The following DSC2 variants were observed in gnomAD, a reference collection of about 807,000 sequenced individuals.
DSC2 encodes desmocollin-2.
In DSC2, 51 loss-of-function variants were observed where a neutral mutation model predicts 87.6. The ratio of observed to expected loss-of-function variants is 0.58; its 90% CI spans 0.46 to 0.74. The LOEUF (loss-of-function observed/expected upper bound fraction) is 0.74. DSC2 is among the 30% of genes least tolerant of loss of function. The pLI, the probability that DSC2 is intolerant of heterozygous loss-of-function variation, is 0.00. For missense variants in DSC2, 1,066 were observed against 1,089.5 expected (o/e 0.98, Z 0.30); for synonymous variants, 383 against 393.2 (o/e 0.97, Z 0.31).
rs1255406484 is a variant in DSC2, at chr18:31,062,375, A to T, written c.*5640T>A. The T allele has an allele frequency of 6.9e-6, 1 of 144,572 alleles. No individual in the cohort carries two copies. Among genetic ancestry groups the T allele is most frequent in the Non-Finnish European group, 1.5e-5 (1 of 66,598 alleles). The allele number at this position is 144,572 out of a possible 1,614,324, so 9.0% of individuals were successfully genotyped here. A position where few individuals can be genotyped will look rare whatever the true frequency, so the allele number is the denominator to read the frequency against. On this transcript the variant is annotated 3_prime_UTR_variant, in exon 16 of 16. Coordinates refer to ENST00000280904, the MANE Select transcript of DSC2 (RefSeq NM_024422.6). ...AAGTGGTTTTTAGTTGCTTTTCCTC[A>T]GGTGGTTAGAGAGTGGCCTTTTGGT...
rs397514042 is a variant in DSC2, at chr18:31,087,815, T to C, written c.631-2A>G. On this transcript the variant is annotated splice_acceptor_variant, in intron 5 of 15. Coordinates refer to ENST00000280904, the MANE Select transcript of DSC2 (RefSeq NM_024422.6). LOFTEE classifies it high-confidence loss of function. ...TGGAGTTGTTGCAAAGGCAATTATC[T>C]GTGAAGAGAGTAAAATAAGGAGAAA... is the stretch of plus-strand genomic sequence containing the variant. 2.6e-5 allele frequency: 42 copies of C among 1,613,508 alleles called. No individual in the cohort carries two copies. Among genetic ancestry groups the C allele is most frequent in the Non-Finnish European group, 3.6e-5 (42 of 1,179,696 alleles).
chr18:31,076,853 T>A (rs1229695844), intron 11 of DSC2, among the ~76,000 whole-genome samples: 1 of 152,096 alleles, frequency 6.6e-6, no homozygotes, highest in Non-Finnish European at 1.5e-5. Context: ...ATATATTAAC[T>A]ACAAAAGGAC....
At chr18:31,096,523 C>T (rs1488575847) in intron 1 of DSC2, among the ~76,000 whole-genome samples, 2 of 152,056 alleles carry the variant, frequency 1.3e-5, no homozygotes, top group Non-Finnish European at 2.9e-5. Context: ...TAAACTGGCC[C>T]TGGCGTGGAT....
intron 15 of DSC2, among the ~76,000 whole-genome samples, 167 bp downstream of exon 15, chr18:31,068,727 C>T (rs889941826): frequency 6.6e-6 from 1 of 151,988 alleles, no homozygotes; most frequent in Non-Finnish European, 1.5e-5. Flanking sequence ...TAAATAACCA[C>T]TTAAATCTGA....
In DSC2 at chr18:31,070,857, G is replaced by C. The variant is rs936641955; in HGVS notation, c.2126-7C>G. On this transcript the variant is annotated splice_polypyrimidine_tract_variant and splice_region_variant and intron_variant, in intron 13 of 15. Coordinates refer to ENST00000280904, the MANE Select transcript of DSC2 (RefSeq NM_024422.6). ...ACCAGCGTAAACAGGATGCCTGGAG[G>C]AAGAAAGAAATATACTTGAGTTTAT... 1.3e-5 allele frequency: 21 copies of C among 1,613,324 alleles called. No homozygotes were observed. In the African/African-American group the frequency reaches 2.3e-4, roughly 17 times the overall value.
At chr18:31,072,016 C>A (rs1331592881) in intron 12 of DSC2, among the ~76,000 whole-genome samples, 175 bp from the exon 13 acceptor site, 2 of 152,150 alleles carry the variant, frequency 1.3e-5, no homozygotes, top group Non-Finnish European at 2.9e-5. Context: ...AATCTATACC[C>A]ATTGCAAACA....
intron 14 of DSC2, 82 bp downstream of exon 14, chr18:31,070,644 C>G (rs1300415043): frequency 2.5e-6 from 4 of 1,595,714 alleles, no homozygotes; most frequent in Non-Finnish European, 3.4e-6. Flanking sequence ...AAGAACTTTT[C>G]TGAGAAAAGA....
intron 11 of DSC2, among the ~76,000 whole-genome samples, chr18:31,075,184 A>C (rs1986974653): frequency 6.6e-6 from 1 of 152,178 alleles, no homozygotes; most frequent in Admixed American, 6.5e-5. Flanking sequence ...AGGAAGGAAG[A>C]GAGTATGAAT....
chr18:31,089,522 G>A lies in DSC2; in HGVS notation c.547C>T (p.Arg183Trp), dbSNP rs368082152. The A allele has an allele frequency of 5.0e-5, 81 of 1,613,768 alleles. No individual in the cohort carries two copies. Among genetic ancestry groups the A allele is most frequent in the African/African-American group, 3.6e-4 (27 of 74,876 alleles). Residue 183 changes from arginine (R) to tryptophan (W), a missense_variant, in exon 5 of 16, where the codon CGG becomes TGG. Arg to Trp is a moderately radical substitution (Grantham distance 101). Transcript: ENST00000280904. ...TCTCTCTCCACATAAAATAAATTCCGAGGTTCTTGGTCAACTCCAGGACCT... is the reference window on the plus strand; with the variant it reads ...TCTCTCTCCACATAAAATAAATTCCAAGGTTCTTGGTCAACTCCAGGACCT... ...IRGPGVDQEPRNLFYVERDTG... is the reference protein window; with the variant it reads ...IRGPGVDQEPWNLFYVERDTG...
intron 4 of DSC2, 55 bp from the exon 5 acceptor site, chr18:31,089,649 A>G (rs2144839461): frequency 6.5e-7 from 1 of 1,537,696 alleles, no homozygotes; most frequent in South Asian, 1.2e-5. Flanking sequence ...CAGAGCTTTC[A>G]TCTATATATT....
Position 31,080,841 on chromosome 18 carries a change from T to C in DSC2, c.1264-489A>G, listed in dbSNP as rs1266703320. Among the ~76,000 whole-genome samples, 4 of 152,280 alleles carry C rather than the reference T, an allele frequency of 2.6e-5. No homozygotes were observed. In the East Asian group the frequency reaches 7.7e-4, roughly 29 times the overall value. On this transcript the variant is annotated intron_variant, in intron 9 of 15. Coordinates refer to ENST00000280904, the MANE Select transcript of DSC2 (RefSeq NM_024422.6). ...AAACTATCCAGTCTCAGGTAGTTCT[T>C]TATAACAATGTGAGAACAGACTAAT...
rs111556656 is a variant in DSC2 at position 31,087,696 on chromosome 18, A to C, written c.748T>G (p.Phe250Val). 2 of 1,613,276 alleles carry C rather than the reference A, an allele frequency of 1.2e-6. No individual in the cohort carries two copies. Among genetic ancestry groups the C allele is most frequent in the Admixed American group, 3.3e-5 (2 of 60,020 alleles). The change falls in exon 6 of 16, where the codon TTT becomes GTT. Residue 250 changes from phenylalanine (F) to valine (V), a missense_variant. Phe to Val is a conservative substitution (Grantham distance 50). Coordinates refer to ENST00000280904, the MANE Select transcript of DSC2 (RefSeq NM_024422.6). ...ACTCTGCAATTTTCAAAAATTGTAA[A>C]AGTATAAGTTTCTTCTGTAAAAATT... is the stretch of plus-strand genomic sequence containing the variant. The part of the protein sequence containing the change: ...YPIFTEETYT[F>V]TIFENCRVGT...
rs554713834 is a variant in DSC2 at position 31,089,521 on chromosome 18, C to A, written c.548G>T (p.Arg183Leu). 1 of 1,613,854 alleles carries A rather than the reference C, an allele frequency of 6.2e-7. No homozygotes were observed. The highest frequency in any genetic ancestry group is 1.1e-5 in the South Asian group (1 of 91,070). Residue 183 changes from arginine to leucine, a missense_variant, in exon 5 of 16, where the codon CGG becomes CTG. Transcript: ENST00000280904. ...IRGPGVDQEP[R>L]NLFYVERDTG... is the part of the protein sequence containing the mutation. ...GTCTCTCTCCACATAAAATAAATTCCGAGGTTCTTGGTCAACTCCAGGACC... is the reference window on the plus strand; with the variant it reads ...GTCTCTCTCCACATAAAATAAATTCAGAGGTTCTTGGTCAACTCCAGGACC...
chr18:31,079,082 A>G (rs1197493041), intron 11 of DSC2, among the ~76,000 whole-genome samples: 2 of 152,120 alleles, frequency 1.3e-5, no homozygotes, highest in Non-Finnish European at 1.5e-5. Flanking sequence ...CCCCAAGTAT[A>G]TTGTTAGCTT....
intron 5 of DSC2, 116 bp from the exon 6 acceptor site, chr18:31,087,929 C>A: frequency 2.8e-6 from 3 of 1,060,980 alleles, no homozygotes; most frequent in Non-Finnish European, 4.2e-6. Context: ...ATGAGTCTCA[C>A]CATTTGTTAT....
rs1251935970 is a variant in DSC2 at position 31,059,621 on chromosome 18, TATAA to T, written c.*8390_*8393del. The T allele has an allele frequency of 6.6e-6, 1 of 152,192 alleles. No individual in the cohort carries two copies. The highest frequency in any genetic ancestry group is 2.4e-5 in the African/African-American group (1 of 41,456). The allele number at this position is 152,192 out of a possible 1,614,324, so 9.4% of individuals were successfully genotyped here. A position where few individuals can be genotyped will look rare whatever the true frequency, so the allele number is the denominator to read the frequency against. ...GAACTTTTCCCTCAATGTTATAAAT[TATAA>T]ATGCTTGTGGTAAAATGAAAACATG... is the stretch of plus-strand genomic sequence containing the variant. On this transcript the variant is annotated 3_prime_UTR_variant, in exon 16 of 16. Coordinates refer to ENST00000280904, the MANE Select transcript of DSC2 (RefSeq NM_024422.6).
At chr18:31,069,335 C>T (rs554655789) in intron 14 of DSC2, among the ~76,000 whole-genome samples, 184 bp from the exon 15 acceptor site, 5 of 152,204 alleles carry the variant, frequency 3.3e-5, no homozygotes, top group Non-Finnish European at 5.9e-5. Context: ...CATAATTTAA[C>T]GTAGTAGCCA....
Position 31,089,386 on chromosome 18 carries a change from A to G in DSC2, c.630+53T>C, listed in dbSNP as rs993649360. On this transcript the variant is annotated intron_variant, in intron 5 of 15. Transcript: ENST00000280904. ...GTTACGTGAATTGCAAATGAGAGAC[A>G]AAATGGCCAAGCATCATCATTGCTA... The G allele has an allele frequency of 2.5e-6, 4 of 1,607,208 alleles. No individual in the cohort carries two copies. In the Admixed American group the frequency reaches 5.0e-5, roughly 20 times the overall value.
Position 31,066,951 on chromosome 18 carries a change from T to C in DSC2, c.*1064A>G, listed in dbSNP as rs2144777715. On this transcript the variant is annotated 3_prime_UTR_variant, in exon 16 of 16. Transcript: ENST00000280904. Reference sequence around the variant, plus strand: ...TGTAAATGTGTTGTCATACAGTAAATATCCACATCCCAATTCTAATTACAC... The same window carrying C: ...TGTAAATGTGTTGTCATACAGTAAACATCCACATCCCAATTCTAATTACAC... 6.6e-6 allele frequency: 1 copy of C among 152,196 alleles called. No homozygotes were observed. Among genetic ancestry groups the C allele is most frequent in the Middle Eastern group, 3.4e-3 (1 of 294 alleles). The allele number at this position is 152,196 out of a possible 1,614,324, so 9.4% of individuals were successfully genotyped here. A position where few individuals can be genotyped will look rare whatever the true frequency, so the allele number is the denominator to read the frequency against.
Sources: allele counts gnomAD v4.1 joint callset (sites outside exome capture counted in the v4.1 genomes callset), GRCh38; gene constraint gnomAD v4.1.1; transcripts MANE v1.5; gene names NCBI Gene and HGNC (gene_info 2026-07-23, HGNC 2026-07-21).